Variants in ZNF540 observed in about 807,000 individuals in gnomAD.
ZNF540 encodes CTD-3064H18.6.
ZNF540 carries 3 observed loss-of-function variants against 11.8 expected under a neutral mutation model. That is an observed-to-expected ratio of 0.25 (90% CI 0.12 to 0.65). The LOEUF (loss-of-function observed/expected upper bound fraction) is 0.65. Among genes scored for constraint, ZNF540 ranks in the 30% least tolerant of loss-of-function variants. ZNF540 has a pLI of 0.83. For synonymous variants in ZNF540, 247 were observed against 259.0 expected (o/e 0.95, Z 0.45); for missense variants, 709 against 793.1 (o/e 0.89, Z 1.27).
chr19:37,606,467 G>A (rs554544704), intron 4 of ZNF540, among the ~76,000 whole-genome samples: 16 of 152,254 alleles, frequency 1.1e-4, no homozygotes, highest in South Asian at 1.0e-3. Context: ...GTTATATGAC[G>A]AATATAACTT....
chr19:37,566,552 C>G, intron 1 of ZNF540: 1 of 325,734 alleles, frequency 3.1e-6, no homozygotes, highest in Non-Finnish European at 5.6e-6. Flanking sequence ...ACCCAGGAGG[C>G]TTATAAAATA....
chr19:37,587,616 G>A (rs530838119), intron 1 of ZNF540, among the ~76,000 whole-genome samples: 5 of 148,666 alleles, frequency 3.4e-5, no homozygotes, highest in Admixed American at 2.0e-4. Flanking sequence ...TGGTAGCATT[G>A]ATCTTGCATA....
chr19:37,556,552 C>G (rs999671194), intron 1 of ZNF540, among the ~76,000 whole-genome samples: 2 of 152,176 alleles, frequency 1.3e-5, no homozygotes, highest in South Asian at 2.1e-4. Flanking sequence ...AACTTTTTAA[C>G]AAACACTAGG....
chr19:37,576,300 A>G (rs957629691), intron 1 of ZNF540, among the ~76,000 whole-genome samples: 2 of 152,222 alleles, frequency 1.3e-5, no homozygotes, highest in African/African-American at 4.8e-5. Context: ...TGCCTAAATG[A>G]GTTCATATAA....
At chr19:37,599,599 CA>C in intron 2 of ZNF540, 26 bp from the exon 3 acceptor site, 2 of 1,612,824 alleles carry the variant, frequency 1.2e-6, no homozygotes, top group Non-Finnish European at 1.7e-6. Flanking sequence ...GTAATTTCAC[CA>C]GTAATATGTT....
intron 1 of ZNF540, chr19:37,565,296 G>C (rs757910227): frequency 6.8e-6 from 11 of 1,611,190 alleles, no homozygotes; most frequent in Non-Finnish European, 9.3e-6. Flanking sequence ...TGGTAAGTAA[G>C]TTGTGAGCCA....
chr19:37,577,440 G>A (rs2147181189), intron 1 of ZNF540, among the ~76,000 whole-genome samples: 1 of 152,192 alleles, frequency 6.6e-6, no homozygotes, highest in African/African-American at 2.4e-5. Context: ...ACAACATAAA[G>A]TATAGGAGAA....
chr19:37,585,812 C>G (rs2043652496), intron 1 of ZNF540: 1 of 152,094 alleles, frequency 6.6e-6, no homozygotes, highest in Non-Finnish European at 1.5e-5. Context: ...AGGGGGTTAT[C>G]CTGGATTATC....
upstream of ZNF540, among the ~76,000 whole-genome samples, chr19:37,590,247 A>C (rs937233169): frequency 2.6e-5 from 4 of 151,586 alleles, no homozygotes; most frequent in Non-Finnish European, 5.9e-5. Context: ...TCTAGTAAAA[A>C]AAAATAAAAA....
chr19:37,602,584 C>T (rs2044047774), intron 4 of ZNF540, among the ~76,000 whole-genome samples: 1 of 152,096 alleles, frequency 6.6e-6, no homozygotes, highest in South Asian at 2.1e-4. Flanking sequence ...CTCCCTTTAG[C>T]GAATGAGTTT....
At chr19:37,563,449 A>C (rs1439964551) in intron 1 of ZNF540, 5 of 152,158 alleles carry the variant, frequency 3.3e-5, no homozygotes, top group African/African-American at 1.2e-4. Context: ...AATGAGGAAA[A>C]ACTGTAGTTG....
intron 1 of ZNF540, among the ~76,000 whole-genome samples, chr19:37,552,765 T>C (rs1289447759): frequency 2.0e-5 from 3 of 152,040 alleles, no homozygotes; most frequent in African/African-American, 7.2e-5. Context: ...TTGGCCAACA[T>C]GGTGAAACCC....
chr19:37,611,333 T>C (rs2044126811), intron 4 of ZNF540, 180 bp from the exon 5 acceptor site: 3 of 495,010 alleles, frequency 6.1e-6, no homozygotes, highest in Non-Finnish European at 1.0e-5. Flanking sequence ...GGCTATAATC[T>C]CTCATTTTCT....
chr19:37,573,408 A>G (rs915872863), intron 1 of ZNF540, among the ~76,000 whole-genome samples: 6 of 152,192 alleles, frequency 3.9e-5, no homozygotes, highest in Non-Finnish European at 5.9e-5. Flanking sequence ...AATCTGCCCA[A>G]TTTGGTTTTC....
chr19:37,593,601 G>A (rs2043931148), upstream of ZNF540, among the ~76,000 whole-genome samples: 1 of 152,154 alleles, frequency 6.6e-6, no homozygotes, highest in South Asian at 2.1e-4. Flanking sequence ...TACTCGGGAG[G>A]CTTAGGCAGG....
At chr19:37,553,682 T>C (rs2042631859) in intron 1 of ZNF540, among the ~76,000 whole-genome samples, 1 of 152,194 alleles carries the variant, frequency 6.6e-6, no homozygotes, top group Non-Finnish European at 1.5e-5. Context: ...TCAACATTCA[T>C]TTTTAGCTTT....
intron 1 of ZNF540, among the ~76,000 whole-genome samples, chr19:37,588,615 C>G (rs552618133): frequency 2.0e-5 from 3 of 152,198 alleles, no homozygotes; most frequent in Non-Finnish European, 4.4e-5. Flanking sequence ...GTATCCTGCT[C>G]ACTACCTGGG....
Position 37,586,484 on chromosome 19 carries a change from T to C in ZNF540, c.-72-11892T>C, listed in dbSNP as rs1021443468. 7 of 648,936 alleles carry C rather than the reference T, an allele frequency of 1.1e-5. No individual in the cohort carries two copies. The African/African-American group carries it at 1.1e-4, about 10-fold the overall frequency. 40.2% of individuals were successfully genotyped at this position (648,936 alleles called of 1,614,324 possible). A position where few individuals can be genotyped will look rare whatever the true frequency, so the allele number is the denominator to read the frequency against. ...TGCTGAATGAATATCTGAAAACTGT[T>C]TGGAGAGGGGAAAAGCATTGAGAAG... On this transcript the variant is annotated intron_variant, in intron 1 of 4. Transcript: ENST00000592533.
At chr19:37,564,814 A>G in intron 1 of ZNF540, 4 of 1,613,634 alleles carry the variant, frequency 2.5e-6, no homozygotes, top group Non-Finnish European at 2.5e-6. Context: ...CACGAATAAA[A>G]GCCTTCCCAC....
Sources: gnomAD v4.1 joint callset for allele counts (sites outside exome capture counted in the v4.1 genomes callset) on GRCh38, gnomAD v4.1.1 for gene constraint, MANE v1.5 for transcripts, NCBI Gene and HGNC (gene_info 2026-07-23, HGNC 2026-07-21) for gene names.